KRIT1: variants seen among roughly 807,000 people sequenced by gnomAD.
KRIT1 encodes the protein KRIT1 ankyrin repeat containing.
A neutral mutation model predicts 95.8 loss-of-function variants in KRIT1; 45 were observed. That is an observed-to-expected ratio of 0.47 (90% CI 0.37 to 0.60). KRIT1 has a LOEUF of 0.60. Ranked by LOEUF, KRIT1 falls within the 20% of genes least tolerant of loss-of-function variation. The pLI is 0.00. For missense variants in KRIT1, 788 were observed against 877.5 expected (o/e 0.90, Z 1.29); for synonymous variants, 282 against 278.8 (o/e 1.01, Z -0.11).
intron 11 of KRIT1, among the ~76,000 whole-genome samples, chr7:92,226,305 TA>T (rs1336848808): frequency 6.6e-6 from 1 of 152,098 alleles, no homozygotes; most frequent in Non-Finnish European, 1.5e-5. Context: ...GAGGTGTATT[TA>T]AAAAATCTAA....
At chr7:92,243,339 T>C (rs1367583893) in intron 3 of KRIT1, among the ~76,000 whole-genome samples, 1 of 152,202 alleles carries the variant, frequency 6.6e-6, no homozygotes, top group South Asian at 2.1e-4. Context: ...TTATTTTTTA[T>C]CTTTTTTTGA....
At chr7:92,209,260 C>G (rs1406374048) in intron 17 of KRIT1, among the ~76,000 whole-genome samples, 1 of 152,032 alleles carries the variant, frequency 6.6e-6, no homozygotes, top group East Asian at 1.9e-4. Flanking sequence ...AGGGGAAAAG[C>G]TGAAAGCCTT....
At chr7:92,225,027 G>A (rs1052235576) in intron 12 of KRIT1, among the ~76,000 whole-genome samples, 3 of 151,904 alleles carry the variant, frequency 2.0e-5, no homozygotes, top group Non-Finnish European at 4.4e-5. Flanking sequence ...CGTGGTGGCA[G>A]GCGCACGTAA....
intron 10 of KRIT1, among the ~76,000 whole-genome samples, chr7:92,228,784 T>A (rs1796706768): frequency 6.6e-6 from 1 of 152,088 alleles, no homozygotes; most frequent in Non-Finnish European, 1.5e-5. Flanking sequence ...GCTGTTCCCT[T>A]TTTTGTGCTC....
chr7:92,206,915 G>C (rs542349046), intron 17 of KRIT1: 4 of 133,936 alleles, frequency 3.0e-5, no homozygotes, highest in African/African-American at 1.1e-4. Context: ...TTGTAAACCC[G>C]AAGGTATCTT....
chr7:92,239,733 C>T (rs1317971568), intron 5 of KRIT1, among the ~76,000 whole-genome samples: 8 of 132,144 alleles, frequency 6.1e-5, no homozygotes, highest in African/African-American at 2.0e-4. Context: ...TTTTTTGAGA[C>T]GGAGTCTCAC....
intron 10 of KRIT1, among the ~76,000 whole-genome samples, chr7:92,229,951 A>G (rs1796950714): frequency 6.6e-6 from 1 of 152,222 alleles, no homozygotes; most frequent in Non-Finnish European, 1.5e-5. Context: ...ATCTCACTGA[A>G]AAGAATTAAA....
At position 92,222,992 on chromosome 7, in the gene KRIT1, T is replaced by C. The variant is rs776700879; in HGVS notation, c.1255-14A>G. On this transcript the variant is annotated splice_polypyrimidine_tract_variant and intron_variant, in intron 12 of 18. Transcript: ENST00000394505. Reference sequence around the variant, plus strand: ...AACTTTTTCATACTACAAGAAACGATAACTTACGTAACGAACTTAAAAAAT... The same window carrying C: ...AACTTTTTCATACTACAAGAAACGACAACTTACGTAACGAACTTAAAAAAT... 3 of 1,572,148 alleles carry C rather than the reference T, an allele frequency of 1.9e-6. No homozygotes were observed. In the South Asian group the frequency reaches 3.3e-5, roughly 17 times the overall value.
At chr7:92,242,183 A>G in intron 3 of KRIT1, 46 bp from the exon 4 acceptor site, 1 of 1,035,946 alleles carries the variant, frequency 9.7e-7, no homozygotes, top group Non-Finnish European at 1.5e-6. Context: ...TAAATGACAC[A>G]TTTGATGGCA....
intron 10 of KRIT1, among the ~76,000 whole-genome samples, chr7:92,233,307 G>A (rs1031032610): frequency 1.3e-5 from 2 of 151,906 alleles, no homozygotes; most frequent in Non-Finnish European, 1.5e-5. Flanking sequence ...TTTATATATG[G>A]ATAAATAAGC....
intron 4 of KRIT1, among the ~76,000 whole-genome samples, chr7:92,241,833 T>C (rs1395837696): frequency 6.6e-6 from 1 of 152,100 alleles, no homozygotes; most frequent in African/African-American, 2.4e-5. Flanking sequence ...ACAAGTAACC[T>C]TTAATATCTA....
At chr7:92,200,942 A>T in intron 18 of KRIT1, 138 bp from the exon 19 acceptor site, 2 of 698,100 alleles carry the variant, frequency 2.9e-6, no homozygotes, top group South Asian at 3.2e-5. Context: ...GAGAGTATAG[A>T]GGGGGATATT....
chr7:92,216,311 TTAA>T (rs1239732642), intron 14 of KRIT1, among the ~76,000 whole-genome samples: 5 of 149,748 alleles, frequency 3.3e-5, no homozygotes, highest in Non-Finnish European at 7.4e-5. Flanking sequence ...TTATTAAATA[TTAA>T]TAATACTCTA....
chr7:92,221,982 T>C lies in KRIT1; in HGVS notation c.1483A>G (p.Thr495Ala). The C allele has an allele frequency of 6.2e-7, 1 of 1,613,444 alleles. No individual in the cohort carries two copies. The highest frequency in any genetic ancestry group is 8.5e-7 in the Non-Finnish European group (1 of 1,179,420). The change falls in exon 14 of 19, where the codon ACT becomes GCT. Residue 495 changes from threonine to alanine, a missense_variant. Around this residue, in one of 3 missense-constraint regions of KRIT1, gnomAD observed 493 missense variants for 582.3 expected, o/e 0.85. Coordinates refer to ENST00000394505, the MANE Select transcript of KRIT1 (RefSeq NM_194454.3). ...GTTTCCCTTTGAGGATCCAGATTAG[T>C]CAATTCAGCAAGTATTTCTGGCCAG... ...RDWPEILAEL[T>A]NLDPQRETPQ...
chr7:92,208,380 A>T (rs1792029908), intron 17 of KRIT1, among the ~76,000 whole-genome samples: 1 of 151,216 alleles, frequency 6.6e-6, no homozygotes, highest in Non-Finnish European at 1.5e-5. Context: ...AGAAAGACTT[A>T]AAAAAAAAGA....
chr7:92,207,556 T>C (rs1438306785), intron 17 of KRIT1, among the ~76,000 whole-genome samples: 1 of 152,178 alleles, frequency 6.6e-6, no homozygotes, highest in African/African-American at 2.4e-5. Context: ...AACTGCACTT[T>C]AGACTAAATG....
At chr7:92,208,396 G>T (rs1183427470) in intron 17 of KRIT1, among the ~76,000 whole-genome samples, 1 of 151,190 alleles carries the variant, frequency 6.6e-6, no homozygotes, top group Non-Finnish European at 1.5e-5. Flanking sequence ...AAAGAAAAAA[G>T]AAAAAAATTA....
At chr7:92,227,078 T>C (rs1796349912) in intron 10 of KRIT1, among the ~76,000 whole-genome samples, 1 of 152,188 alleles carries the variant, frequency 6.6e-6, no homozygotes, top group Admixed American at 6.5e-5. Context: ...GGCCCGGCTG[T>C]TTACAAAATA....
intron 11 of KRIT1, among the ~76,000 whole-genome samples, chr7:92,226,043 TAA>T (rs1464525275): frequency 6.6e-6 from 1 of 152,236 alleles, no homozygotes; most frequent in African/African-American, 2.4e-5. Flanking sequence ...ACTGTTTTTT[TAA>T]AAGTTCTGAT....
Sources: gnomAD v4.1 joint callset for allele counts (sites outside exome capture counted in the v4.1 genomes callset) on GRCh38, gnomAD v4.1.1 for gene constraint, gnomAD v4.1.1 regional missense constraint, MANE v1.5 for transcripts, NCBI Gene and HGNC (gene_info 2026-07-23, HGNC 2026-07-21) for gene names.